COL18A1: variants seen among roughly 807,000 people sequenced by gnomAD.
The protein encoded by COL18A1 is collagen type XVIII alpha 1 chain, also known as collagen alpha-1(XVIII) chain.
A neutral mutation model predicts 168.0 loss-of-function variants in COL18A1; 133 were observed. The ratio of observed to expected loss-of-function variants is 0.79; its 90% CI spans 0.69 to 0.91. The LOEUF is 0.91. COL18A1 is among the 40% of genes least tolerant of loss of function. The pLI, the probability that COL18A1 is intolerant of heterozygous loss-of-function variation, is 0.00. For synonymous variants in COL18A1, 949 were observed against 809.0 expected, an observed-to-expected ratio of 1.17 and a Z score of -2.94; for missense variants, 2,126 against 1,925.4, an observed-to-expected ratio of 1.10 and a Z score of -1.95.
chr21:45,470,425 C>CTTTTTTTTTT (rs1195744330), intron 3 of COL18A1, among the ~76,000 whole-genome samples: 19 of 37,102 alleles, frequency 5.1e-4, no homozygotes, highest in East Asian at 1.6e-3. Flanking sequence ...TTTACCTTGT[C>CTTTTTTTTTT]TTTTTTTTTT....
At chr21:45,509,978 A>G (rs1401964461) in intron 39 of COL18A1, 86 bp from the exon 40 acceptor site, 9 of 1,446,482 alleles carry the variant, frequency 6.2e-6, no homozygotes, top group East Asian at 5.0e-5. Context: ...CTGTCCACAC[A>G]GGTGCGGGGC....
At chr21:45,445,505 G>T (rs1362963458) in intron 2 of COL18A1, among the ~76,000 whole-genome samples, 1 of 152,202 alleles carries the variant, frequency 6.6e-6, no homozygotes, top group African/African-American at 2.4e-5. Flanking sequence ...TATGGTAACT[G>T]TGTTTACTCA....
rs2037706832 is a variant in COL18A1, at chr21:45,513,171, T to G, written c.*773T>G. On this transcript the variant is annotated 3_prime_UTR_variant, in exon 42 of 42. Transcript: ENST00000651438. ...GATTCAAGGGACCCATGAGTTGGGG[T>G]CTGGCAGCCTCCCATCCAGGGCCCC... is the stretch of plus-strand genomic sequence containing the variant. The G allele has an allele frequency of 6.6e-6, 1 of 152,308 alleles. No individual in the cohort carries two copies. Among genetic ancestry groups the G allele is most frequent in the Non-Finnish European group, 1.5e-5 (1 of 68,154 alleles). 9.4% of individuals were successfully genotyped at this position (152,308 alleles called of 1,614,324 possible). A position where few individuals can be genotyped will look rare whatever the true frequency, so the allele number is the denominator to read the frequency against.
rs200106008 is a variant in COL18A1 at position 45,480,789 on chromosome 21, C to T, written c.1542C>T (p.Asp514=). The change falls in exon 13 of 42, where the codon GAC becomes GAT. Residue 514 remains aspartate (D), a synonymous_variant. Transcript: ENST00000651438. ...GCCGCTTTGGGGTGAACAGCTCCGA[C>T]GTCCCAGGACCCGCCGGCCTTCCTG... ...EPGRFGVNSS[D]VPGPAGLPGV... The T allele has an allele frequency of 2.8e-4, 449 of 1,611,416 alleles. 3 individuals carry two copies. Among genetic ancestry groups the T allele is most frequent in the Non-Finnish European group, 1.8e-4 (215 of 1,179,796 alleles).
chr21:45,458,063 G>A (rs1158960708), intron 2 of COL18A1, among the ~76,000 whole-genome samples: 3 of 139,720 alleles, frequency 2.1e-5, no homozygotes, highest in South Asian at 2.6e-4. Flanking sequence ...ACAACAGGTG[G>A]TCCCAGGAGT....
chr21:45,422,900 G>T (rs1296674969), intron 2 of COL18A1, among the ~76,000 whole-genome samples: 1 of 152,022 alleles, frequency 6.6e-6, no homozygotes, highest in Non-Finnish European at 1.5e-5. Flanking sequence ...AGATTCTCCT[G>T]CCTCAGCCTC....
At position 45,423,038 on chromosome 21, in the gene COL18A1, TC is replaced by T. The variant is rs1375448535; in HGVS notation, c.106+17568del. 1.3e-5 allele frequency among the ~76,000 whole-genome samples: 2 copies of T among 152,186 alleles called. No individual in the cohort carries two copies. The highest frequency in any genetic ancestry group is 4.8e-5 in the African/African-American group (2 of 41,444). ...CATGTTGGTCAGGCTGGTCTCTAAC[TC>T]CCGACCTCAGGTGATCTGCCCGCAT... On this transcript the variant is annotated intron_variant, in intron 2 of 41. Transcript: ENST00000651438. The surrounding 1 kb of genome is among the most constrained non-coding windows in gnomAD (Gnocchi z 4.0).
chr21:45,433,940 C>T (rs895830047), intron 2 of COL18A1, among the ~76,000 whole-genome samples: 6 of 152,020 alleles, frequency 3.9e-5, no homozygotes, highest in African/African-American at 1.4e-4. Flanking sequence ...TTTTTGTGCA[C>T]GGTGGGAAAG....
rs777293388 is a variant in COL18A1 at position 45,476,384 on chromosome 21, C to A, written c.832C>A (p.Pro278Thr). The A allele has an allele frequency of 1.9e-6, 3 of 1,613,822 alleles. No individual in the cohort carries two copies. The African/African-American group carries it at 4.0e-5, about 22-fold the overall frequency. Residue 278 changes from proline (P) to threonine (T), a missense_variant, in exon 6 of 42, where the codon CCC becomes ACC. Transcript: ENST00000651438. ...AALKPRLPAP[P>T]PVTTPPLAGG... is the part of the protein sequence containing the mutation. ...CCTAAAACCCAGGCTCCCCGCGCCACCCCCCGTCACCACGCCACCCTTGGC... is the reference window on the plus strand; with the variant it reads ...CCTAAAACCCAGGCTCCCCGCGCCAACCCCCGTCACCACGCCACCCTTGGC...
At chr21:45,418,721 C>A in intron 2 of COL18A1, among the ~76,000 whole-genome samples, 1 of 150,336 alleles carries the variant, frequency 6.7e-6, no homozygotes, top group Non-Finnish European at 1.5e-5. Context: ...CACCTCACGT[C>A]ACTTCCTGGG....
At chr21:45,469,380 C>A (rs996455957) in intron 3 of COL18A1, among the ~76,000 whole-genome samples, 6 of 152,252 alleles carry the variant, frequency 3.9e-5, no homozygotes, top group African/African-American at 1.4e-4. Flanking sequence ...TAGCTGCACA[C>A]CCGCTGGGAC....
chr21:45,480,967 C>T, intron 13 of COL18A1, 109 bp downstream of exon 13: 5 of 1,439,784 alleles, frequency 3.5e-6, no homozygotes, highest in Admixed American at 3.9e-5. Context: ...CAGTCCCCGC[C>T]TCCTCACCTC....
intron 28 of COL18A1, 85 bp from the exon 29 acceptor site, chr21:45,495,273 G>T: frequency 4.2e-6 from 5 of 1,183,314 alleles, no homozygotes; most frequent in Non-Finnish European, 6.2e-6. Flanking sequence ...CGGGCCTGGC[G>T]TGGGGCTAAC....
chr21:45,447,340 A>G (rs2145831305), intron 2 of COL18A1, among the ~76,000 whole-genome samples: 1 of 152,254 alleles, frequency 6.6e-6, no homozygotes, highest in Non-Finnish European at 1.5e-5. Context: ...ATTAGAACCA[A>G]TAAATGAGCT....
chr21:45,478,456 G>A (rs2035762613), intron 9 of COL18A1, 103 bp downstream of exon 9: 2 of 1,479,742 alleles, frequency 1.4e-6, no homozygotes, highest in East Asian at 4.5e-5. Flanking sequence ...ACCCAGTGAG[G>A]AGACTGTACA....
At chr21:45,459,350 G>A (rs1036070383) in intron 2 of COL18A1, among the ~76,000 whole-genome samples, 25 of 152,226 alleles carry the variant, frequency 1.6e-4, no homozygotes, top group African/African-American at 5.8e-4. Flanking sequence ...CGAAAGTGGG[G>A]GTGCTGGGCT....
chr21:45,409,550 C>G (rs936965969), intron 2 of COL18A1, among the ~76,000 whole-genome samples: 1 of 151,972 alleles, frequency 6.6e-6, no homozygotes. Flanking sequence ...AGCTGAGACC[C>G]GCCTGCTGGG....
At chr21:45,480,578 A>G in intron 12 of COL18A1, 58 bp downstream of exon 12, 5 of 1,613,816 alleles carry the variant, frequency 3.1e-6, no homozygotes, top group South Asian at 1.1e-5. Context: ...GGAACAGGCC[A>G]TGGACCCCCA....
chr21:45,502,230 G>A lies in COL18A1; in HGVS notation c.2684-1781G>A, dbSNP rs375850582. Among the ~76,000 whole-genome samples the A allele has an allele frequency of 8.5e-5, 13 of 152,344 alleles. No individual in the cohort carries two copies. The East Asian group carries it at 2.1e-3, about 25-fold the overall frequency. ...GGGCCCTGGGGGTGTGGAGCCACGT[G>A]CTCCAAAGCTTCTGGGTTACAGGGC... is the stretch of plus-strand genomic sequence containing the variant. On this transcript the variant is annotated intron_variant, in intron 32 of 41. Transcript: ENST00000651438.
Sources: gnomAD v4.1 joint callset for allele counts (sites outside exome capture counted in the v4.1 genomes callset) on GRCh38, gnomAD v4.1.1 for gene constraint, Gnocchi (gnomAD v3.1) non-coding constraint, MANE v1.5 for transcripts, NCBI Gene and HGNC (gene_info 2026-07-23, HGNC 2026-07-21) for gene names.